SORCS1: variants seen among roughly 807,000 people sequenced by gnomAD.
SORCS1 encodes VPS10 domain-containing receptor SorCS1.
SORCS1 carries 60 observed loss-of-function variants against 146.1 expected under a neutral mutation model. That is an observed-to-expected ratio of 0.41 (90% CI 0.33 to 0.51). The LOEUF (loss-of-function observed/expected upper bound fraction) is 0.51. SORCS1 is among the 20% of genes least tolerant of loss of function. SORCS1 has a pLI of 0.21. For synonymous variants in SORCS1, 637 were observed against 584.0 expected (o/e 1.09, Z -1.31); for missense variants, 1,352 against 1,487.6 (o/e 0.91, Z 1.50).
At chr10:107,004,675 A>G (rs1957366571) in intron 1 of SORCS1, among the ~76,000 whole-genome samples, 1 of 152,044 alleles carries the variant, frequency 6.6e-6, no homozygotes, top group African/African-American at 2.4e-5. Context: ...TTCCTGATTA[A>G]ACCTCGTGAT....
At chr10:107,121,591 C>A (rs1395416159) in intron 1 of SORCS1, among the ~76,000 whole-genome samples, 1 of 151,468 alleles carries the variant, frequency 6.6e-6, no homozygotes, top group Admixed American at 6.6e-5. Flanking sequence ...TGTGATTTAA[C>A]AACATTATCA....
rs752146149 is a variant in SORCS1, at chr10:106,629,282, T to C, written c.2582A>G (p.Asn861Ser). ...CACGGTCACACGGAAAATGCCCACG[T>C]TCTGATAGACGTGTTTGATCCCATC... Reference protein sequence around the residue: ...MEDGIKHVYQNVGIFRVTVQV... With the variant: ...MEDGIKHVYQSVGIFRVTVQV... Residue 861 changes from asparagine (N) to serine (S), a missense_variant, in exon 19 of 26, where the codon AAC (asparagine) becomes AGC (serine). By Grantham distance (46) the Asn-to-Ser change is conservative. This residue lies in a region of SORCS1 where 648 missense variants were observed against 793.8 expected (regional missense o/e 0.82). Transcript: ENST00000263054. 35 of 1,614,170 alleles carry C rather than the reference T, an allele frequency of 2.2e-5. No individual in the cohort carries two copies. The highest frequency in any genetic ancestry group is 6.7e-5 in the East Asian group (3 of 44,856).
intron 2 of SORCS1, among the ~76,000 whole-genome samples, chr10:106,850,659 A>G (rs914962789): frequency 1.3e-5 from 2 of 152,172 alleles, no homozygotes; most frequent in South Asian, 2.1e-4. Context: ...AAGACACCCA[A>G]GAGCCTCTAT....
intron 9 of SORCS1, among the ~76,000 whole-genome samples, chr10:106,693,573 G>C (rs1853462046): frequency 6.6e-6 from 1 of 152,108 alleles, no homozygotes; most frequent in Admixed American, 6.5e-5. Context: ...TGATCTTCTA[G>C]GCACTTGGCA....
intron 10 of SORCS1, among the ~76,000 whole-genome samples, chr10:106,684,007 C>G (rs112665994): frequency 3.3e-5 from 5 of 152,114 alleles, no homozygotes; most frequent in Non-Finnish European, 5.9e-5. Context: ...AAAACAGATT[C>G]TCCTGGGGCA....
intron 21 of SORCS1, among the ~76,000 whole-genome samples, chr10:106,616,583 T>C (rs562016907): frequency 2.6e-5 from 4 of 152,174 alleles, no homozygotes; most frequent in Non-Finnish European, 5.9e-5. Context: ...ACACAGCCAC[T>C]GTTTGGCCAC....
intron 5 of SORCS1, among the ~76,000 whole-genome samples, chr10:106,759,795 G>A (rs933819988): frequency 2.6e-5 from 4 of 151,722 alleles, no homozygotes; most frequent in Non-Finnish European, 5.9e-5. Flanking sequence ...ACAGATTCCC[G>A]CTAACATATA....
chr10:106,720,520 A>T (rs1388116246), intron 6 of SORCS1, among the ~76,000 whole-genome samples: 3 of 151,354 alleles, frequency 2.0e-5, no homozygotes, highest in Non-Finnish European at 4.4e-5. Context: ...GAGAATTTAG[A>T]GGACAAAGGA....
chr10:106,843,937 C>G (rs1453826560), intron 2 of SORCS1, among the ~76,000 whole-genome samples: 1 of 152,132 alleles, frequency 6.6e-6, no homozygotes, highest in African/African-American at 2.4e-5. Context: ...ACTGCTGGAT[C>G]TATATGGAGC....
intron 19 of SORCS1, among the ~76,000 whole-genome samples, chr10:106,627,175 G>T (rs1848163920): frequency 6.6e-6 from 1 of 151,966 alleles, no homozygotes; most frequent in Non-Finnish European, 1.5e-5. Flanking sequence ...CACCTCAAGG[G>T]GTATGATCAC....
rs146239386 is a variant in SORCS1 at position 107,107,920 on chromosome 10, T to A, written c.558+56049A>T. Among the ~76,000 whole-genome samples, 676 of 152,180 alleles carry A rather than the reference T, an allele frequency of 4.4e-3. 5 individuals are homozygous for A. Among genetic ancestry groups the A allele is most frequent in the African/African-American group, 0.015 (621 of 41,508 alleles). On this transcript the variant is annotated intron_variant, in intron 1 of 25. Transcript: ENST00000263054. ...GGCAGACAGGCCAGCCAAAGTTGAG[T>A]CTGGATGTAGACCCTGAAACAGCTC...
At chr10:106,956,164 T>A (rs1954930375) in intron 2 of SORCS1, among the ~76,000 whole-genome samples, 1 of 151,054 alleles carries the variant, frequency 6.6e-6, no homozygotes, top group African/African-American at 2.4e-5. Flanking sequence ...GTAGAGAGCC[T>A]CGTTCTGCAG....
At chr10:106,886,953 A>C (rs1951025512) in intron 2 of SORCS1, among the ~76,000 whole-genome samples, 1 of 152,238 alleles carries the variant, frequency 6.6e-6, no homozygotes, top group South Asian at 2.1e-4. Flanking sequence ...TAGAAAAAGA[A>C]GACCAGGGAC....
At chr10:106,972,335 C>T (rs892974165) in intron 1 of SORCS1, among the ~76,000 whole-genome samples, 6 of 148,166 alleles carry the variant, frequency 4.0e-5, no homozygotes, top group Non-Finnish European at 5.9e-5. Context: ...GAGCTGTGAT[C>T]GCACCACTAC....
At chr10:107,005,507 A>C (rs1957403980) in intron 1 of SORCS1, among the ~76,000 whole-genome samples, 3 of 152,190 alleles carry the variant, frequency 2.0e-5, no homozygotes, top group Admixed American at 2.0e-4. Context: ...TAACTGAAAG[A>C]CAGGAATTTT....
At chr10:106,665,654 C>T (rs1013786662) in intron 17 of SORCS1, among the ~76,000 whole-genome samples, 7 of 152,124 alleles carry the variant, frequency 4.6e-5, no homozygotes, top group Non-Finnish European at 8.8e-5. Context: ...TAAAACAAAA[C>T]TCACAAAAAT....
intron 1 of SORCS1, among the ~76,000 whole-genome samples, chr10:107,109,656 A>G (rs1965552133): frequency 6.6e-6 from 1 of 152,178 alleles, no homozygotes. Flanking sequence ...TGGGATATTA[A>G]CACTTGGCTC....
rs551914530 is a variant in SORCS1, at chr10:106,844,207, T to A, written c.627-14534A>T. ...ATCTTTGGAAAAATGCCTATTCGTG[T>A]TCTTTGCCCATTTTTAATCAGGTTT... On this transcript the variant is annotated intron_variant, in intron 2 of 25. Coordinates refer to ENST00000263054, the MANE Select transcript of SORCS1 (RefSeq NM_052918.5). Among the ~76,000 whole-genome samples, 5 of 152,372 alleles carry A rather than the reference T, an allele frequency of 3.3e-5. No homozygotes were observed. In the South Asian group the frequency reaches 1.0e-3, roughly 32 times the overall value.
chr10:106,956,059 G>A (rs1168624842), intron 2 of SORCS1, among the ~76,000 whole-genome samples: 1 of 152,010 alleles, frequency 6.6e-6, no homozygotes. Flanking sequence ...GAACCCGGGA[G>A]GCAGAGGTTG....
Sources: allele counts gnomAD v4.1 joint callset (sites outside exome capture counted in the v4.1 genomes callset), GRCh38; gene constraint gnomAD v4.1.1; regional missense constraint gnomAD v4.1.1; transcripts MANE v1.5; gene names NCBI Gene and HGNC (gene_info 2026-07-23, HGNC 2026-07-21).